Variants in CLUH observed in about 807,000 individuals in gnomAD.
The protein encoded by CLUH is clustered mitochondria protein homolog.
A neutral mutation model predicts 139.3 loss-of-function variants in CLUH; 77 were observed. The ratio of observed to expected loss-of-function variants is 0.55; its 90% CI spans 0.46 to 0.67. The LOEUF is 0.67. CLUH is among the 30% of genes least tolerant of loss of function. CLUH has a pLI of 0.00. For synonymous variants in CLUH, 999 were observed against 801.6 expected, an observed-to-expected ratio of 1.25 and a Z score of -4.16; for missense variants, 1,876 against 1,875.8, an observed-to-expected ratio of 1.00 and a Z score of 0.00.
chr17:2,700,648 C>A, intron 8 of CLUH, 30 bp downstream of exon 8: 2 of 1,516,002 alleles, frequency 1.3e-6, no homozygotes, highest in Non-Finnish European at 1.8e-6. Context: ...GCAGGGGTGC[C>A]CAGCGAGGGC....
In CLUH at chr17:2,692,837, C is replaced by A. The variant is rs767895965; in HGVS notation, c.3255G>T (p.Ala1085=). 6.2e-7 allele frequency: 1 copy of A among 1,601,502 alleles called. No individual in the cohort carries two copies. Among genetic ancestry groups the A allele is most frequent in the Non-Finnish European group, 8.5e-7 (1 of 1,172,060 alleles). The change falls in exon 20 of 26, where the codon GCG becomes GCT. Residue 1085 remains alanine (A), a synonymous_variant. Transcript: ENST00000651024. ...YAEALSNQQK[A]VLMSERVMGT... ...CCATCACCCGCTCGCTCATCAGCAC[C>A]GCCTTCTGCTGGTTACTCAGGGCCT... is the stretch of plus-strand genomic sequence containing the variant.
Position 2,704,440 on chromosome 17 carries a change from G to C in CLUH, c.225C>G (p.Gly75=), listed in dbSNP as rs555664212. 6.2e-7 allele frequency: 1 copy of C among 1,609,086 alleles called. No individual in the cohort carries two copies. The highest frequency in any genetic ancestry group is 8.5e-7 in the Non-Finnish European group (1 of 1,178,030). ...TGTCCTGAATGACAATGACTTCCTG[G>C]CCGGTGGTCTCATCTCCCGGGCCGG... ...DEAGPGDETT[G]QEVIVIQDTG... is the part of the protein sequence containing the mutation. The change falls in exon 2 of 26, where the codon GGC becomes GGG. Residue 75 remains glycine (G), a synonymous_variant. Transcript: ENST00000651024. This position sits in a 1 kb window ranked among gnomAD's most constrained non-coding sequence, Gnocchi z 5.7.
At chr17:2,696,617 G>T in intron 11 of CLUH, 79 bp from the exon 12 acceptor site, 4 of 1,536,376 alleles carry the variant, frequency 2.6e-6, no homozygotes, top group Non-Finnish European at 2.6e-6. Flanking sequence ...TCGCCCCCTA[G>T]CTCCTTGCAG....
chr17:2,690,726 G>C lies in CLUH; in HGVS notation c.3915C>G (p.Leu1305=). 1 of 1,558,314 alleles carries C rather than the reference G, an allele frequency of 6.4e-7. No homozygotes were observed. The highest frequency in any genetic ancestry group is 8.6e-7 in the Non-Finnish European group (1 of 1,160,076). The stretch of plus-strand genomic sequence containing the variant: ...TATCCCTGTTTCTGCTGGCCTCCTG[G>C]AGCTGGTGCCGCCGCGCCACCTCGG... ...LKAEVARRHQ[L]QEASRNRDRA... is the part of the protein sequence containing the mutation. The change falls in exon 26 of 26, where the codon CTC becomes CTG. Residue 1305 remains leucine (L), a synonymous_variant. Coordinates refer to ENST00000651024, the MANE Select transcript of CLUH (RefSeq NM_001366661.1).
At chr17:2,698,771 C>T (rs1395882745) in intron 9 of CLUH, among the ~76,000 whole-genome samples, 181 bp from the exon 10 acceptor site, 1 of 152,114 alleles carries the variant, frequency 6.6e-6, no homozygotes, top group Non-Finnish European at 1.5e-5. Flanking sequence ...TGGCCGGGCG[C>T]GGTGGCTCAC....
At chr17:2,709,967 A>G (rs1354620246) in intron 1 of CLUH, among the ~76,000 whole-genome samples, 2 of 55,358 alleles carry the variant, frequency 3.6e-5, no homozygotes, top group Non-Finnish European at 7.9e-5. Context: ...GAGCCCCCCC[A>G]CCCCCAGCAG....
rs145919520 is a variant in CLUH at position 2,697,972 on chromosome 17, C to T, written c.1885G>A (p.Ala629Thr). 0.012 allele frequency: 18,513 copies of T among 1,577,628 alleles called. 110 individuals carry two copies. The highest frequency in any genetic ancestry group is 0.014 in the Non-Finnish European group (16,598 of 1,167,564). ...TGCCGGTGGGCGCGGGGGAAGCCGG[C>T]GCGGGCGCATTCCTCAGGCAGCTCC... ...GEELPEECAR[A>T]GFPRAHRHKL... Residue 629 changes from alanine to threonine, a missense_variant, in exon 10 of 26, where the codon GCC becomes ACC. By Grantham distance (58) the Ala-to-Thr change is moderately conservative. Coordinates refer to ENST00000651024, the MANE Select transcript of CLUH (RefSeq NM_001366661.1).
In CLUH at chr17:2,700,761, G is replaced by T; in HGVS notation, c.1090C>A (p.Gln364Lys). The change falls in exon 8 of 26, where the codon CAG (glutamine) becomes AAG (lysine). Residue 364 changes from glutamine (Q) to lysine (K), a missense_variant. Physicochemically the swap from Gln to Lys is moderately conservative, Grantham distance 53. Transcript: ENST00000651024. ...ACGCAATCCATGGCATGCTCCGCCT[G>T]GGGGGCTGTCCAGCTGTACACCTGG... ...PFQVYSWTAP[Q>K]AEHAMDCVRA... The T allele has an allele frequency of 6.5e-7, 1 of 1,545,264 alleles. No homozygotes were observed. Among genetic ancestry groups the T allele is most frequent in the Non-Finnish European group, 8.7e-7 (1 of 1,151,412 alleles).
intron 10 of CLUH, among the ~76,000 whole-genome samples, chr17:2,697,173 A>T (rs910509553): frequency 2.0e-5 from 3 of 152,128 alleles, no homozygotes. Flanking sequence ...CGAGGCAGGC[A>T]GATCACTTGA....
At chr17:2,709,192 C>CAG (rs1451715511) in intron 1 of CLUH, among the ~76,000 whole-genome samples, 3 of 152,172 alleles carry the variant, frequency 2.0e-5, no homozygotes, top group Non-Finnish European at 2.9e-5. Flanking sequence ...CAATCTCACT[C>CAG]AGAAGACTGT....
Position 2,694,552 on chromosome 17 carries a change from G to A in CLUH, c.2865C>T (p.Asp955=), listed in dbSNP as rs780418387. ...FDFDLECETV[D]QAVETYGLQK... ...GCAGGCCGTAGGTCTCCACAGCCTG[G>A]TCCACGGTCTCACTGAGGAGGGAGC... The change falls in exon 17 of 26, where the codon GAC becomes GAT. Residue 955 remains aspartate, a synonymous_variant. Transcript: ENST00000651024. 4.4e-6 allele frequency: 7 copies of A among 1,578,090 alleles called. No individual in the cohort carries two copies. Among genetic ancestry groups the A allele is most frequent in the Non-Finnish European group, 6.0e-6 (7 of 1,162,380 alleles).
rs1567575506 is a variant in CLUH at position 2,691,943 on chromosome 17, C to CGCCA, written c.3655-49_3655-48insTGGC. 9.0e-5 allele frequency: 116 copies of CGCCA among 1,285,732 alleles called. 1 individual carries two copies. The highest frequency in any genetic ancestry group is 3.5e-4 in the South Asian group (21 of 60,820). The allele number at this position is 1,285,732 out of a possible 1,614,324, so 79.6% of individuals were successfully genotyped here. A position where few individuals can be genotyped will look rare whatever the true frequency, so the allele number is the denominator to read the frequency against. On this transcript the variant is annotated intron_variant, in intron 23 of 25. Coordinates refer to ENST00000651024, the MANE Select transcript of CLUH (RefSeq NM_001366661.1). ...CAGGCCCCCCCGTGCCCCCGCGGCC[C>CGCCA]CGCCCCCGCCCCGCCACGCCCCCGC...
At position 2,692,067 on chromosome 17, in the gene CLUH, G is replaced by GCT. The variant is rs754143306; in HGVS notation, c.3589_3590dup (p.Ser1197ArgfsTer41). On this transcript the variant is annotated frameshift_variant, in exon 23 of 26. Coordinates refer to ENST00000651024, the MANE Select transcript of CLUH (RefSeq NM_001366661.1). LOFTEE classifies it high-confidence loss of function. ...GCAGGGCCGACCGGAACTCAGCTTT[G>GCT]CTCTCGTAGACTCGGGCGACAAGGT... 6.2e-7 allele frequency: 1 copy of GCT among 1,604,842 alleles called. No homozygotes were observed. Among genetic ancestry groups the GCT allele is most frequent in the Non-Finnish European group, 8.5e-7 (1 of 1,176,442 alleles).
intron 25 of CLUH, 38 bp from the exon 26 acceptor site, chr17:2,690,815 G>A (rs1597591178): frequency 7.0e-6 from 10 of 1,424,664 alleles, no homozygotes; most frequent in South Asian, 3.1e-5. Context: ...GCTCTCAGAG[G>A]AGTCCTGGGG....
intron 10 of CLUH, among the ~76,000 whole-genome samples, chr17:2,697,467 C>A (rs979826419): frequency 1.3e-5 from 2 of 151,848 alleles, no homozygotes; most frequent in African/African-American, 2.4e-5. Context: ...CCATCCAGGT[C>A]AGGGCTCTCA....
chr17:2,694,086 AACCCCCACCTCCACCC>A, intron 18 of CLUH, 21 bp downstream of exon 18: 1 of 1,613,746 alleles, frequency 6.2e-7, no homozygotes, highest in Non-Finnish European at 8.5e-7. Context: ...GGCCATGGGG[AACCCCCACCTCCACCC>A]AGCCCCACCT....
Position 2,691,718 on chromosome 17 carries a change from C to CCG in CLUH, c.3790-38_3790-37dup, listed in dbSNP as rs756640913. The CCG allele has an allele frequency of 3.1e-6, 5 of 1,604,428 alleles. No homozygotes were observed. The South Asian group carries it at 5.6e-5, about 18-fold the overall frequency. ...GGGAAACCAGCGGTGAGCGGGGCTC[C>CCG]CGCGCTCGCCGGGCCGGAGGGGCCG... On this transcript the variant is annotated intron_variant, in intron 24 of 25. Transcript: ENST00000651024.
Position 2,703,144 on chromosome 17 carries a change from C to G in CLUH, c.475+174G>C, listed in dbSNP as rs186869006. On this transcript the variant is annotated intron_variant, in intron 3 of 25. Transcript: ENST00000651024. This position sits in a 1 kb window ranked among gnomAD's most constrained non-coding sequence, Gnocchi z 4.2. ...CCCAGCCCACGGCTCTGTTCTTTAA[C>G]CCATGGGCCGTGAAGTTGGCAGATA... Among the ~76,000 whole-genome samples, 452 of 152,326 alleles carry G rather than the reference C, an allele frequency of 3.0e-3. 9 individuals carry two copies. Among genetic ancestry groups the G allele is most frequent in the Non-Finnish European group, 1.3e-3 (91 of 68,038 alleles).
At chr17:2,691,138 C>G (rs2069609652) in intron 25 of CLUH, among the ~76,000 whole-genome samples, 1 of 152,028 alleles carries the variant, frequency 6.6e-6, no homozygotes, top group Non-Finnish European at 1.5e-5. Flanking sequence ...CAGCCCCCCC[C>G]CGCCGCAGGA....
Sources: allele counts gnomAD v4.1 joint callset (sites outside exome capture counted in the v4.1 genomes callset), GRCh38; gene constraint gnomAD v4.1.1; non-coding constraint Gnocchi (gnomAD v3.1); transcripts MANE v1.5; gene names NCBI Gene and HGNC (gene_info 2026-07-23, HGNC 2026-07-21).